The following AGMO variants were observed in gnomAD, a reference collection of about 807,000 sequenced individuals.
AGMO encodes glyceryl-ether monooxygenase.
In AGMO, 75 loss-of-function variants were observed where a neutral mutation model predicts 60.2. That is an observed-to-expected ratio of 1.25 (90% confidence interval 1.03 to 1.51). The LOEUF (loss-of-function observed/expected upper bound fraction) is 1.51. Among genes scored for constraint, AGMO ranks in the 40% most tolerant of loss-of-function variants. The pLI is 0.00. For missense variants in AGMO, 763 were observed against 525.5 expected, an observed-to-expected ratio of 1.45 and a Z score of -4.42; for synonymous variants, 261 against 177.1, an observed-to-expected ratio of 1.47 and a Z score of -3.76.
At chr7:15,358,805 TCTAC>T (rs1256174933) in intron 12 of AGMO, among the ~76,000 whole-genome samples, 4 of 152,184 alleles carry the variant, frequency 2.6e-5, no homozygotes, top group South Asian at 4.1e-4. Context: ...TTAGGTCTGT[TCTAC>T]CTGTCTTAAT....
At chr7:15,218,297 C>T (rs1781806019) in intron 12 of AGMO, among the ~76,000 whole-genome samples, 1 of 149,104 alleles carries the variant, frequency 6.7e-6, no homozygotes, top group South Asian at 2.1e-4. Flanking sequence ...GAATGAGAGA[C>T]ATTAATACTA....
chr7:15,175,236 T>C, the AGMO span, among the ~76,000 whole-genome samples: 5 of 151,952 alleles, frequency 3.3e-5, no homozygotes, highest in East Asian at 9.6e-4. Context: ...AATATATTCT[T>C]CCATTTTTCC....
At chr7:15,285,743 A>G (rs932497365) in intron 12 of AGMO, among the ~76,000 whole-genome samples, 2 of 152,122 alleles carry the variant, frequency 1.3e-5, no homozygotes, top group African/African-American at 4.8e-5. Flanking sequence ...GTGGATTACA[A>G]AAATAACCTT....
chr7:15,279,917 G>T (rs1170243989), intron 12 of AGMO, among the ~76,000 whole-genome samples: 2 of 152,230 alleles, frequency 1.3e-5, no homozygotes, highest in East Asian at 3.8e-4. Flanking sequence ...TCAATCTCCA[G>T]CATGGACCGA....
chr7:15,473,290 C>T (rs878856665), intron 3 of AGMO, among the ~76,000 whole-genome samples: 24 of 151,704 alleles, frequency 1.6e-4, no homozygotes, highest in African/African-American at 5.8e-4. Context: ...TAGGATCAAA[C>T]GGATTCACAG....
At chr7:15,298,305 T>C (rs530481884) in intron 12 of AGMO, among the ~76,000 whole-genome samples, 2 of 152,282 alleles carry the variant, frequency 1.3e-5, no homozygotes, top group East Asian at 3.9e-4. Flanking sequence ...GTCTTAATCA[T>C]TTGCCTTCAT....
Position 15,345,370 on chromosome 7 carries a change from G to T in AGMO, c.1263+20144C>A, listed in dbSNP as rs184065918. 5.3e-5 allele frequency among the ~76,000 whole-genome samples: 8 copies of T among 152,226 alleles called. 1 individual carries two copies. The East Asian group carries it at 1.6e-3, about 30-fold the overall frequency. On this transcript the variant is annotated intron_variant, in intron 12 of 12. Transcript: ENST00000342526. ...GCCTAAGACCAAGCTTGGTCTGGAT[G>T]CCCTCCCTCATACCCTTCAGTTGTG...
rs1782184854 is a variant in AGMO, at chr7:15,229,396, A to G, written c.1264-28037T>C. On this transcript the variant is annotated intron_variant, in intron 12 of 12. Transcript: ENST00000342526. ...GGGTTCGAATACAAAAATAAGATAA[A>G]ATAAAATAAAATAAATAAAAGCTAT... Among the ~76,000 whole-genome samples, 2 of 151,744 alleles carry G rather than the reference A, an allele frequency of 1.3e-5. 1 individual carries two copies. Among genetic ancestry groups the G allele is most frequent in the Non-Finnish European group, 2.9e-5 (2 of 67,982 alleles).
At chr7:15,471,644 G>A (rs188128564) in intron 3 of AGMO, among the ~76,000 whole-genome samples, 38 of 151,990 alleles carry the variant, frequency 2.5e-4, no homozygotes, top group African/African-American at 7.0e-4. Context: ...GGTGATGGAT[G>A]AGGAACATAT....
intron 12 of AGMO, among the ~76,000 whole-genome samples, chr7:15,341,702 C>T (rs1036953024): frequency 6.6e-6 from 1 of 152,034 alleles, no homozygotes; most frequent in African/African-American, 2.4e-5. Flanking sequence ...TAAAAACATA[C>T]CTGAGAGAGT....
the AGMO span, among the ~76,000 whole-genome samples, chr7:15,176,650 C>T: frequency 6.6e-6 from 1 of 151,862 alleles, no homozygotes; most frequent in African/African-American, 2.4e-5. Flanking sequence ...ACACATCCTT[C>T]ACTAGACTTA....
intron 10 of AGMO, among the ~76,000 whole-genome samples, chr7:15,374,655 A>C (rs1241581950): frequency 6.6e-6 from 1 of 152,102 alleles, no homozygotes; most frequent in Non-Finnish European, 1.5e-5. Flanking sequence ...GGCAAAAAAG[A>C]ACAGCGATCT....
rs149898075 is a variant in AGMO, at chr7:15,477,994, G to A, written c.410-46886C>T. Among the ~76,000 whole-genome samples, 4 of 152,178 alleles carry A rather than the reference G, an allele frequency of 2.6e-5. No homozygotes were observed. In the East Asian group the frequency reaches 7.7e-4, roughly 29 times the overall value. ...TGTAGAGAATCCCTAAGTATGAACA[G>A]GTAGAACCACACCTTTCTCCTGTGT... On this transcript the variant is annotated intron_variant, in intron 3 of 12. Coordinates refer to ENST00000342526, the MANE Select transcript of AGMO (RefSeq NM_001004320.2).
intron 12 of AGMO, among the ~76,000 whole-genome samples, chr7:15,264,463 G>C (rs1488478514): frequency 1.3e-5 from 2 of 151,756 alleles, no homozygotes; most frequent in East Asian, 1.9e-4. Context: ...ATACTAACTA[G>C]TATTGAATGC....
chr7:15,519,800 A>G (rs1783930140), intron 3 of AGMO, among the ~76,000 whole-genome samples: 1 of 152,176 alleles, frequency 6.6e-6, no homozygotes, highest in Non-Finnish European at 1.5e-5. Flanking sequence ...AAATTCACAC[A>G]TAACAATATT....
At chr7:15,179,470 T>G in the AGMO span, among the ~76,000 whole-genome samples, 1 of 152,130 alleles carries the variant, frequency 6.6e-6, no homozygotes, top group Non-Finnish European at 1.5e-5. Context: ...GTAAAAAACC[T>G]AAAACGGAAA....
chr7:15,406,962 A>G (rs1784717197), intron 5 of AGMO, among the ~76,000 whole-genome samples: 1 of 141,646 alleles, frequency 7.1e-6, no homozygotes, highest in South Asian at 2.2e-4. Context: ...CGTATATTCC[A>G]TATAAGTACA....
At chr7:15,378,305 C>G (rs1025664375) in intron 10 of AGMO, among the ~76,000 whole-genome samples, 1 of 151,924 alleles carries the variant, frequency 6.6e-6, no homozygotes, top group Non-Finnish European at 1.5e-5. Context: ...TTTGAACACA[C>G]GCACAAAATA....
the AGMO span, among the ~76,000 whole-genome samples, chr7:15,152,755 T>G: frequency 6.6e-6 from 1 of 152,192 alleles, no homozygotes; most frequent in African/African-American, 2.4e-5. Context: ...TAATGGGCAT[T>G]TGGGCTGGTT....
Sources: allele counts gnomAD v4.1 joint callset (sites outside exome capture counted in the v4.1 genomes callset), GRCh38; gene constraint gnomAD v4.1.1; transcripts MANE v1.5; gene names NCBI Gene and HGNC (gene_info 2026-07-23, HGNC 2026-07-21).